The following GALNT18 variants were observed in gnomAD, a reference collection of about 807,000 sequenced individuals.
GALNT18 encodes the protein GalNAc-transferase 18.
Under a neutral mutation model 69.5 loss-of-function variants are expected in GALNT18, and 44 were observed. That is an observed-to-expected ratio of 0.63 (90% CI 0.50 to 0.81). GALNT18 has a LOEUF of 0.81. Ranked by LOEUF, GALNT18 falls within the 40% of genes least tolerant of loss-of-function variation. The pLI is 0.00. For missense variants in GALNT18, 715 were observed against 810.0 expected (o/e 0.88, Z 1.42); for synonymous variants, 364 against 318.2 (o/e 1.14, Z -1.53).
chr11:11,577,930 G>A (rs1034968433), intron 1 of GALNT18, among the ~76,000 whole-genome samples: 2 of 152,156 alleles, frequency 1.3e-5, no homozygotes, highest in African/African-American at 4.8e-5. Flanking sequence ...GGCAGGAAAA[G>A]GGCAAGAAGC....
chr11:11,360,500 A>G (rs1850622041), intron 6 of GALNT18, among the ~76,000 whole-genome samples: 1 of 152,190 alleles, frequency 6.6e-6, no homozygotes, highest in Non-Finnish European at 1.5e-5. Context: ...AAATTAAAAT[A>G]TTTCCGTCTA....
In GALNT18 at chr11:11,439,198, G is replaced by A. The variant is rs779975050; in HGVS notation, c.429-6411C>T. On this transcript the variant is annotated intron_variant, in intron 2 of 10. Coordinates refer to ENST00000227756, the MANE Select transcript of GALNT18 (RefSeq NM_198516.3). This position sits in a 1 kb window ranked among gnomAD's most constrained non-coding sequence, Gnocchi z 4.4. ...GAGCAGAAATGATGAATAGGAAGAA[G>A]GGCGTTGTCAGTGAGTGAACTGTAG... Among the ~76,000 whole-genome samples the A allele has an allele frequency of 1.3e-5, 2 of 152,200 alleles. No homozygotes were observed. The highest frequency in any genetic ancestry group is 2.9e-5 in the Non-Finnish European group (2 of 68,036).
chr11:11,529,715 G>GGAGAGA (rs373159701), intron 1 of GALNT18, among the ~76,000 whole-genome samples: 23 of 152,030 alleles, frequency 1.5e-4, no homozygotes, highest in African/African-American at 5.1e-4. Context: ...GAGGGGAGAA[G>GGAGAGA]GAGAGAGAGA....
rs183474398 is a variant in GALNT18 at position 11,620,804 on chromosome 11, G to A, written c.235+555C>T. Among the ~76,000 whole-genome samples the A allele has an allele frequency of 8.5e-5, 13 of 152,118 alleles. No homozygotes were observed. Among genetic ancestry groups the A allele is most frequent in the African/African-American group, 2.9e-4 (12 of 41,424 alleles). On this transcript the variant is annotated intron_variant, in intron 1 of 10. Coordinates refer to ENST00000227756, the MANE Select transcript of GALNT18 (RefSeq NM_198516.3). This position sits in a 1 kb window ranked among gnomAD's most constrained non-coding sequence, Gnocchi z 6.9. ...CAGAGGGCTCCTTGCATTCCCTATC[G>A]CCTACCAACGGGATCACAGCAAGAC...
Position 11,271,261 on chromosome 11 carries a change from C to CT in GALNT18, c.1706dup (p.Arg570AlafsTer9), listed in dbSNP as rs1264375299. On this transcript the variant is annotated frameshift_variant, in exon 11 of 11. Coordinates refer to ENST00000227756, the MANE Select transcript of GALNT18 (RefSeq NM_198516.3). LOFTEE classifies it high-confidence loss of function. ...TATTCTCCTGCAGCTCCAGACAGCG[C>CT]TTAGACTTGCGGTTCTGGATGGGTC... 1.2e-6 allele frequency: 2 copies of CT among 1,613,994 alleles called. No homozygotes were observed. The highest frequency in any genetic ancestry group is 2.7e-5 in the African/African-American group (2 of 74,924).
chr11:11,607,733 T>C (rs753356202), intron 1 of GALNT18, among the ~76,000 whole-genome samples: 58 of 152,296 alleles, frequency 3.8e-4, no homozygotes, highest in Non-Finnish European at 6.5e-4. Flanking sequence ...TGGCTTCAAT[T>C]TGGTTTGAAA....
chr11:11,609,564 G>C (rs951640154), intron 1 of GALNT18, among the ~76,000 whole-genome samples: 1 of 152,206 alleles, frequency 6.6e-6, no homozygotes, highest in African/African-American at 2.4e-5. Flanking sequence ...CAGTGAAGGA[G>C]GGGAAGAATC....
At chr11:11,386,488 T>C (rs533495401) in intron 3 of GALNT18, among the ~76,000 whole-genome samples, 2 of 152,204 alleles carry the variant, frequency 1.3e-5, no homozygotes, top group Non-Finnish European at 2.9e-5. Context: ...ACTTGCCTGG[T>C]TCTTGAAAGC....
At chr11:11,519,558 C>T (rs902575429) in intron 1 of GALNT18, among the ~76,000 whole-genome samples, 2 of 152,198 alleles carry the variant, frequency 1.3e-5, no homozygotes, top group Non-Finnish European at 2.9e-5. Flanking sequence ...CAAAGGGAAT[C>T]CTCCTAGGCC....
chr11:11,290,987 G>T (rs1849286609), intron 10 of GALNT18, among the ~76,000 whole-genome samples: 1 of 152,182 alleles, frequency 6.6e-6, no homozygotes, highest in Non-Finnish European at 1.5e-5. Context: ...CTCGACTTGA[G>T]AAACAACAGC....
rs1229057382 is a variant in GALNT18 at position 11,318,544 on chromosome 11, C to A, written c.1512+8542G>T. Among the ~76,000 whole-genome samples, 1 of 152,166 alleles carries A rather than the reference C, an allele frequency of 6.6e-6. No homozygotes were observed. Among genetic ancestry groups the A allele is most frequent in the Non-Finnish European group, 1.5e-5 (1 of 68,038 alleles). On this transcript the variant is annotated intron_variant, in intron 9 of 10. Coordinates refer to ENST00000227756, the MANE Select transcript of GALNT18 (RefSeq NM_198516.3). This position sits in a 1 kb window ranked among gnomAD's most constrained non-coding sequence, Gnocchi z 5.1. ...TGGCCCTGCTGAGACCGATCTCGAACTTCTAGGCTTCAGAATTGTGAGACA... is the reference window on the plus strand; with the variant it reads ...TGGCCCTGCTGAGACCGATCTCGAAATTCTAGGCTTCAGAATTGTGAGACA...
intron 3 of GALNT18, among the ~76,000 whole-genome samples, chr11:11,406,303 G>A (rs1467819253): frequency 6.6e-6 from 1 of 152,220 alleles, no homozygotes; most frequent in East Asian, 1.9e-4. Context: ...AATGTCTGCA[G>A]TTTCTACAAG....
intron 3 of GALNT18, among the ~76,000 whole-genome samples, chr11:11,397,766 C>T (rs1328626643): frequency 3.3e-5 from 5 of 152,174 alleles, no homozygotes; most frequent in South Asian, 2.1e-4. Context: ...GCACCACACC[C>T]GGCCCACAAG....
Position 11,529,407 on chromosome 11 carries a change from T to C in GALNT18, c.236-80471A>G, listed in dbSNP as rs185434247. Among the ~76,000 whole-genome samples the C allele has an allele frequency of 1.6e-4, 24 of 152,322 alleles. No homozygotes were observed. In the East Asian group the frequency reaches 4.6e-3, roughly 29 times the overall value. On this transcript the variant is annotated intron_variant, in intron 1 of 10. Transcript: ENST00000227756. ...GACTGTTTGGGCTGGAACACTGGTC[T>C]CTTCCTGCTTTCAGACTCTAAATGA...
At chr11:11,399,953 A>G (rs1276127342) in intron 3 of GALNT18, among the ~76,000 whole-genome samples, 1 of 152,270 alleles carries the variant, frequency 6.6e-6, no homozygotes, top group Non-Finnish European at 1.5e-5. Flanking sequence ...CACAGGTTTT[A>G]AAAACATTTT....
intron 10 of GALNT18, among the ~76,000 whole-genome samples, chr11:11,288,445 C>T (rs1271698072): frequency 6.6e-5 from 10 of 152,168 alleles, no homozygotes; most frequent in South Asian, 2.1e-4. Flanking sequence ...CAGACCAAGT[C>T]GGTCATCCCA....
intron 1 of GALNT18, among the ~76,000 whole-genome samples, chr11:11,503,069 T>C (rs1857005186): frequency 6.6e-6 from 1 of 152,122 alleles, no homozygotes; most frequent in Non-Finnish European, 1.5e-5. Flanking sequence ...GACAGTCAGA[T>C]CTCTACCCTT....
chr11:11,369,616 T>A (rs1381757974), intron 6 of GALNT18, among the ~76,000 whole-genome samples: 1 of 151,826 alleles, frequency 6.6e-6, no homozygotes, highest in Admixed American at 6.6e-5. Flanking sequence ...ATTCAAACCA[T>A]AATAGTCTCC....
intron 5 of GALNT18, among the ~76,000 whole-genome samples, chr11:11,374,522 G>A (rs1439046021): frequency 6.6e-6 from 1 of 152,198 alleles, no homozygotes; most frequent in African/African-American, 2.4e-5. Flanking sequence ...ACAGGGCAGG[G>A]CACGCTGGAA....
Sources: gnomAD v4.1 joint callset for allele counts (sites outside exome capture counted in the v4.1 genomes callset) on GRCh38, gnomAD v4.1.1 for gene constraint, Gnocchi (gnomAD v3.1) non-coding constraint, MANE v1.5 for transcripts, NCBI Gene and HGNC (gene_info 2026-07-23, HGNC 2026-07-21) for gene names.